The following FBXL17 variants were observed in gnomAD, a reference collection of about 807,000 sequenced individuals.
FBXL17 encodes F-box and leucine rich repeat protein 17.
Under a neutral mutation model 66.2 loss-of-function variants are expected in FBXL17, and 22 were observed. That is an observed-to-expected ratio of 0.33 (90% CI 0.24 to 0.47). FBXL17 has a LOEUF of 0.47. Ranked by LOEUF, FBXL17 falls within the 20% of genes least tolerant of loss-of-function variation. FBXL17 has a pLI of 1.00. For synonymous variants in FBXL17, 474 were observed against 400.5 expected (o/e 1.18, Z -2.19); for missense variants, 878 against 948.2 (o/e 0.93, Z 0.97).
At chr5:108,340,872 A>T (rs759107965) in intron 4 of FBXL17, among the ~76,000 whole-genome samples, 3 of 152,188 alleles carry the variant, frequency 2.0e-5, no homozygotes, top group Non-Finnish European at 4.4e-5. Context: ...CCTGGCCCTC[A>T]AAAGAGTTGA....
chr5:107,950,295 C>T (rs917481701), intron 7 of FBXL17, among the ~76,000 whole-genome samples: 2 of 151,952 alleles, frequency 1.3e-5, no homozygotes, highest in African/African-American at 2.4e-5. Flanking sequence ...TATTTGATCC[C>T]TATTTAACAA....
intron 6 of FBXL17, among the ~76,000 whole-genome samples, chr5:108,141,422 C>CTG (rs2067137): frequency 0.78 from 118,593 of 151,968 alleles, 47,060 homozygotes; most frequent in East Asian, 0.92. Context: ...TGCTAACATG[C>CTG]TATCCCTGCT....
At chr5:108,157,406 A>C (rs1752036156) in intron 6 of FBXL17, among the ~76,000 whole-genome samples, 1 of 151,982 alleles carries the variant, frequency 6.6e-6, no homozygotes, top group Non-Finnish European at 1.5e-5. Context: ...AGATCTAGTC[A>C]TGAAAACATG....
At chr5:108,324,411 T>C (rs1759756443) in intron 4 of FBXL17, among the ~76,000 whole-genome samples, 1 of 151,774 alleles carries the variant, frequency 6.6e-6, no homozygotes. Flanking sequence ...ACTATAAAAA[T>C]AAATAAATAA....
intron 6 of FBXL17, among the ~76,000 whole-genome samples, chr5:108,099,293 T>C (rs935300064): frequency 6.6e-6 from 1 of 152,248 alleles, no homozygotes; most frequent in South Asian, 2.1e-4. Context: ...AGGGGGGCAG[T>C]ATTTTGCCTC....
intron 4 of FBXL17, among the ~76,000 whole-genome samples, chr5:108,302,891 G>A (rs569213719): frequency 6.6e-6 from 1 of 151,796 alleles, no homozygotes; most frequent in South Asian, 2.1e-4. Context: ...AAGCCAAAAA[G>A]TCACAAATAA....
chr5:108,003,863 A>G (rs923899734), intron 7 of FBXL17, among the ~76,000 whole-genome samples: 1 of 152,188 alleles, frequency 6.6e-6, no homozygotes, highest in Non-Finnish European at 1.5e-5. Context: ...TCTAATATAT[A>G]TGGCTAAATG....
chr5:108,085,572 G>A (rs1010344464), intron 6 of FBXL17, among the ~76,000 whole-genome samples: 1 of 152,214 alleles, frequency 6.6e-6, no homozygotes, highest in Non-Finnish European at 1.5e-5. Context: ...CCTGAACACT[G>A]TGTGCCGTTG....
intron 4 of FBXL17, among the ~76,000 whole-genome samples, chr5:108,340,404 A>C (rs1451077831): frequency 3.3e-5 from 5 of 152,094 alleles, no homozygotes; most frequent in East Asian, 1.9e-4. Context: ...AAAAAAAAAA[A>C]AAAACTCGTT....
At chr5:107,982,658 T>C (rs1236455018) in intron 7 of FBXL17, among the ~76,000 whole-genome samples, 1 of 152,218 alleles carries the variant, frequency 6.6e-6, no homozygotes, top group African/African-American at 2.4e-5. Flanking sequence ...TTACTGAGCA[T>C]ACATCCTGAT....
chr5:107,910,391 T>C (rs1749909409), intron 7 of FBXL17, among the ~76,000 whole-genome samples: 1 of 151,984 alleles, frequency 6.6e-6, no homozygotes, highest in Non-Finnish European at 1.5e-5. Context: ...AACGACAAAA[T>C]GAGAAACAGC....
chr5:108,190,952 G>C (rs1158221608), intron 5 of FBXL17, among the ~76,000 whole-genome samples: 2 of 152,108 alleles, frequency 1.3e-5, no homozygotes, highest in African/African-American at 2.4e-5. Flanking sequence ...CAGCTTTCTG[G>C]GCTCATGTGC....
chr5:108,294,295 A>G (rs1435352130), intron 4 of FBXL17, among the ~76,000 whole-genome samples: 3 of 139,054 alleles, frequency 2.2e-5, no homozygotes, highest in African/African-American at 7.6e-5. Flanking sequence ...AAAAAAAAAT[A>G]TATATATATA....
At chr5:108,171,629 C>A (rs545542098) in intron 6 of FBXL17, among the ~76,000 whole-genome samples, 1 of 152,202 alleles carries the variant, frequency 6.6e-6, no homozygotes, top group African/African-American at 2.4e-5. Flanking sequence ...AATTTAGTAG[C>A]TTTAAAAAAA....
At chr5:108,069,007 A>G (rs964251284) in intron 6 of FBXL17, among the ~76,000 whole-genome samples, 1 of 152,212 alleles carries the variant, frequency 6.6e-6, no homozygotes, top group African/African-American at 2.4e-5. Context: ...GGCTGGAAAC[A>G]AGATCATAAG....
At chr5:107,964,875 T>C (rs1286341277) in intron 7 of FBXL17, among the ~76,000 whole-genome samples, 1 of 152,118 alleles carries the variant, frequency 6.6e-6, no homozygotes, top group African/African-American at 2.4e-5. Flanking sequence ...AATTAAGTGG[T>C]AGAGGCTTCC....
chr5:108,006,531 T>G, intron 7 of FBXL17, among the ~76,000 whole-genome samples: 1 of 152,162 alleles, frequency 6.6e-6, no homozygotes, highest in Admixed American at 6.5e-5. Flanking sequence ...GAAATGATTG[T>G]GAGAATAAAC....
chr5:108,330,579 C>T (rs1434506472), intron 4 of FBXL17, among the ~76,000 whole-genome samples: 3 of 152,048 alleles, frequency 2.0e-5, no homozygotes, highest in Non-Finnish European at 4.4e-5. Context: ...TATAGATTTC[C>T]TAGAACACTT....
chr5:107,929,775 T>G (rs1750668255), intron 7 of FBXL17, among the ~76,000 whole-genome samples: 1 of 152,162 alleles, frequency 6.6e-6, no homozygotes, highest in African/African-American at 2.4e-5. Flanking sequence ...TTCCCCCATC[T>G]GTATATACAA....
Sources: gnomAD v4.1 joint callset for allele counts (sites outside exome capture counted in the v4.1 genomes callset) on GRCh38, gnomAD v4.1.1 for gene constraint, MANE v1.5 for transcripts, NCBI Gene and HGNC (gene_info 2026-07-23, HGNC 2026-07-21) for gene names.